Variants in ROBO2 observed in about 807,000 individuals in gnomAD.
The protein encoded by ROBO2 is roundabout homolog 2.
In ROBO2, 53 loss-of-function variants were observed where a neutral mutation model predicts 160.8. The observed-to-expected ratio is 0.33, with a 90% confidence interval of 0.26 to 0.41. The LOEUF (loss-of-function observed/expected upper bound fraction) is 0.41. Ranked by LOEUF, ROBO2 falls within the 10% of genes least tolerant of loss-of-function variation. The pLI is 1.00. For synonymous variants in ROBO2, 664 were observed against 611.7 expected (o/e 1.09, Z -1.26); for missense variants, 1,577 against 1,722.4 (o/e 0.92, Z 1.49).
chr3:76,897,712 C>T (rs1193386812), intron 2 of ROBO2, among the ~76,000 whole-genome samples: 3 of 145,418 alleles, frequency 2.1e-5, no homozygotes, highest in Non-Finnish European at 3.0e-5. Flanking sequence ...GTGGCCCTCA[C>T]TTTTTTTTTT....
intron 6 of ROBO2, among the ~76,000 whole-genome samples, chr3:77,536,732 T>G (rs2092132409): frequency 6.6e-6 from 1 of 152,196 alleles, no homozygotes. Context: ...GTATTATGAA[T>G]TGAATTGCCA....
At chr3:77,631,247 C>T (rs1428601527) in intron 23 of ROBO2, 1 of 152,062 alleles carries the variant, frequency 6.6e-6, no homozygotes, top group African/African-American at 2.4e-5. Flanking sequence ...ACCAGTTCAG[C>T]TTCTGTTTTC....
At chr3:77,205,479 A>C (rs2083342503) in intron 2 of ROBO2, among the ~76,000 whole-genome samples, 1 of 151,320 alleles carries the variant, frequency 6.6e-6, no homozygotes, top group Admixed American at 6.6e-5. Flanking sequence ...CTGCTCCTGG[A>C]GCCTGGGGTT....
intron 2 of ROBO2, among the ~76,000 whole-genome samples, chr3:76,748,247 C>T (rs1234846629): frequency 6.6e-6 from 1 of 151,760 alleles, no homozygotes; most frequent in Non-Finnish European, 1.5e-5. Context: ...GTCCCTCTCT[C>T]ATTTAGTGGT....
At chr3:76,381,038 A>G (rs2108553079) in intron 2 of ROBO2, among the ~76,000 whole-genome samples, 1 of 151,396 alleles carries the variant, frequency 6.6e-6, no homozygotes, top group East Asian at 1.9e-4. Flanking sequence ...GCGGACTAAA[A>G]AAAAAAAAAA....
intron 2 of ROBO2, among the ~76,000 whole-genome samples, chr3:77,474,513 T>G (rs2083746128): frequency 6.6e-6 from 1 of 152,130 alleles, no homozygotes; most frequent in African/African-American, 2.4e-5. Context: ...GTCATCGAAT[T>G]TATTTCTCTT....
chr3:77,407,213 A>G (rs1298138222), intron 2 of ROBO2, among the ~76,000 whole-genome samples: 3 of 151,922 alleles, frequency 2.0e-5, no homozygotes, highest in African/African-American at 4.8e-5. Flanking sequence ...CAAAGAATAT[A>G]TGGTGCAGGG....
At chr3:77,472,499 T>TA (rs1198786456) in intron 2 of ROBO2, among the ~76,000 whole-genome samples, 8 of 152,172 alleles carry the variant, frequency 5.3e-5, no homozygotes, top group South Asian at 2.1e-4. Flanking sequence ...CATCCCAATG[T>TA]AAAAAAACAT....
At chr3:76,281,988 C>G (rs144208323) in intron 2 of ROBO2, among the ~76,000 whole-genome samples, 12,900 of 151,980 alleles carry the variant, frequency 0.085, 988 homozygotes, top group African/African-American at 0.19. Flanking sequence ...TTTGAAAGCT[C>G]TTCAAGATAA....
At chr3:76,042,564 C>T (rs1559860724) in intron 2 of ROBO2, among the ~76,000 whole-genome samples, 1 of 151,964 alleles carries the variant, frequency 6.6e-6, no homozygotes, top group East Asian at 1.9e-4. Context: ...GAGACCCTCT[C>T]ATATTGTTTT....
chr3:76,718,759 C>A (rs1442142638), intron 2 of ROBO2, among the ~76,000 whole-genome samples: 1 of 152,136 alleles, frequency 6.6e-6, no homozygotes, highest in African/African-American at 2.4e-5. Flanking sequence ...TACTGTTAGA[C>A]AAATGTAGGT....
At chr3:76,798,209 AAG>A (rs1467614494) in intron 2 of ROBO2, among the ~76,000 whole-genome samples, 9 of 150,148 alleles carry the variant, frequency 6.0e-5, no homozygotes, top group African/African-American at 2.0e-4. Context: ...AAGAAAGAGA[AAG>A]AGAAAAAGAA....
chr3:77,193,507 T>C (rs2150960987), intron 2 of ROBO2, among the ~76,000 whole-genome samples: 1 of 151,466 alleles, frequency 6.6e-6, no homozygotes, highest in African/African-American at 2.4e-5. Context: ...CTCAGACTTC[T>C]ATCTAACCTC....
chr3:76,120,849 A>T (rs7650624), intron 2 of ROBO2, among the ~76,000 whole-genome samples: 149,542 of 152,292 alleles, frequency 0.98, 73,493 homozygotes, highest in East Asian at 1. Flanking sequence ...AAGGTATTGT[A>T]GTATAAGAGT....
intron 2 of ROBO2, among the ~76,000 whole-genome samples, chr3:76,118,581 C>G (rs1042772269): frequency 5.3e-5 from 8 of 152,092 alleles, no homozygotes; most frequent in Non-Finnish European, 1.0e-4. Context: ...GTGGCAGAAC[C>G]TCCGTTATTA....
intron 21 of ROBO2, among the ~76,000 whole-genome samples, chr3:77,610,762 A>G (rs1168084173): frequency 6.7e-6 from 1 of 149,494 alleles, no homozygotes; most frequent in African/African-American, 2.4e-5. Flanking sequence ...AAAAAAAAAA[A>G]AAAAAGAAAA....
intron 2 of ROBO2, among the ~76,000 whole-genome samples, chr3:76,141,153 C>CTATA (rs1451364489): frequency 1.6e-3 from 57 of 34,650 alleles, no homozygotes; most frequent in East Asian, 4.6e-3. Flanking sequence ...CTCTCTCTCT[C>CTATA]TCTCTCTATA....
chr3:77,316,715 C>CA (rs1457608016), intron 2 of ROBO2: 1 of 860,832 alleles, frequency 1.2e-6, no homozygotes, highest in African/African-American at 1.7e-5. Context: ...AGCTATGCTG[C>CA]AAAATAGTTT....
At chr3:77,493,707 G>A (rs1200577168) in intron 5 of ROBO2, among the ~76,000 whole-genome samples, 1 of 151,970 alleles carries the variant, frequency 6.6e-6, no homozygotes, top group South Asian at 2.1e-4. Flanking sequence ...CCCCCTGCAG[G>A]CCTCCATCAA....
Sources: allele counts gnomAD v4.1 joint callset (sites outside exome capture counted in the v4.1 genomes callset), GRCh38; gene constraint gnomAD v4.1.1; transcripts MANE v1.5; gene names NCBI Gene and HGNC (gene_info 2026-07-23, HGNC 2026-07-21).